HMGXB4: variants seen among roughly 807,000 people sequenced by gnomAD.
The protein encoded by HMGXB4 is HMG domain-containing protein 4.
In HMGXB4, 27 loss-of-function variants were observed where a neutral mutation model predicts 63.9. That is an observed-to-expected ratio of 0.42 (90% CI 0.31 to 0.58). HMGXB4 has a LOEUF of 0.58. Among genes scored for constraint, HMGXB4 ranks in the 20% least tolerant of loss-of-function variants. The pLI is 0.13. For missense variants in HMGXB4, 624 were observed against 700.7 expected, an observed-to-expected ratio of 0.89 and a Z score of 1.24; for synonymous variants, 264 against 265.3, an observed-to-expected ratio of 0.99 and a Z score of 0.05.
At position 35,295,702 on chromosome 22, in the gene HMGXB4, G is replaced by GT. The variant is rs920504665; in HGVS notation, c.*2057dup. Reference sequence around the variant, plus strand: ...AGTTTTTATATCATTGTTTTATTTTGTTTTTTAAATAAATTCTAGTGGTTT... The same window carrying GT: ...AGTTTTTATATCATTGTTTTATTTTGTTTTTTTAAATAAATTCTAGTGGTTT... On this transcript the variant is annotated 3_prime_UTR_variant, in exon 11 of 11. Transcript: ENST00000216106. The GT allele has an allele frequency of 1.2e-4, 18 of 152,456 alleles. No homozygotes were observed. Among genetic ancestry groups the GT allele is most frequent in the African/African-American group, 4.1e-4 (17 of 41,492 alleles). 9.4% of individuals were successfully genotyped at this position (152,456 alleles called of 1,614,324 possible).
chr22:35,249,104 G>C, the HMGXB4 span, among the ~76,000 whole-genome samples: 1 of 152,100 alleles, frequency 6.6e-6, no homozygotes, highest in African/African-American at 2.4e-5. Flanking sequence ...TGTCACCCAG[G>C]CTGGAGTGCA....
chr22:35,262,832 G>A (rs1202883011), intron 2 of HMGXB4: 2 of 549,904 alleles, frequency 3.6e-6, no homozygotes, highest in African/African-American at 1.9e-5. Context: ...AACCATATCT[G>A]AGGTTGCACA....
At chr22:35,281,292 T>C (rs1330438123) in intron 5 of HMGXB4, among the ~76,000 whole-genome samples, 1 of 152,230 alleles carries the variant, frequency 6.6e-6, no homozygotes, top group East Asian at 1.9e-4. Context: ...TTTTCCACTA[T>C]TTTATGCAGC....
At chr22:35,286,327 G>A (rs1394690785) in intron 7 of HMGXB4, among the ~76,000 whole-genome samples, 1 of 152,160 alleles carries the variant, frequency 6.6e-6, no homozygotes, top group Non-Finnish European at 1.5e-5. Context: ...CTAAGTTGAG[G>A]AGTAATTAAA....
At chr22:35,277,854 C>T (rs1180245688) in intron 5 of HMGXB4, among the ~76,000 whole-genome samples, 1 of 152,184 alleles carries the variant, frequency 6.6e-6, no homozygotes, top group African/African-American at 2.4e-5. Flanking sequence ...CCTACATTGA[C>T]ACATCATTAT....
chr22:35,254,605 T>C (rs1023670107), upstream of HMGXB4, among the ~76,000 whole-genome samples: 2 of 152,224 alleles, frequency 1.3e-5, no homozygotes, highest in African/African-American at 4.8e-5. Context: ...TCACTGAATG[T>C]AGTATTCATA....
chr22:35,287,974 ATAT>A (rs1924697623), intron 8 of HMGXB4, among the ~76,000 whole-genome samples: 1 of 152,130 alleles, frequency 6.6e-6, no homozygotes, highest in Admixed American at 6.5e-5. Context: ...CAGAGAGTAA[ATAT>A]TATAGGCCTT....
chr22:35,284,338 C>T (rs1424503874), intron 6 of HMGXB4, among the ~76,000 whole-genome samples: 1 of 152,196 alleles, frequency 6.6e-6, no homozygotes, highest in African/African-American at 2.4e-5. Flanking sequence ...TTGGCCTTTT[C>T]CTTAAATTGC....
intron 6 of HMGXB4, 149 bp from the exon 7 acceptor site, chr22:35,285,848 T>A: frequency 3.5e-6 from 2 of 572,996 alleles, no homozygotes; most frequent in African/African-American, 1.9e-5. Context: ...CAAAGAAGAG[T>A]GATGGGATTG....
intron 7 of HMGXB4, 99 bp downstream of exon 7, chr22:35,286,160 G>A (rs1924565303): frequency 2.3e-5 from 19 of 818,286 alleles, no homozygotes; most frequent in Non-Finnish European, 3.7e-5. Flanking sequence ...ACTGAAAATA[G>A]TGAAGAAAAT....
At chr22:35,266,855 A>G (rs1450833757) in intron 5 of HMGXB4, among the ~76,000 whole-genome samples, 1 of 152,066 alleles carries the variant, frequency 6.6e-6, no homozygotes, top group Non-Finnish European at 1.5e-5. Context: ...GTGGGGGTGC[A>G]CATCTATAGT....
chr22:35,278,498 T>A (rs886616345), intron 5 of HMGXB4, among the ~76,000 whole-genome samples: 1 of 152,230 alleles, frequency 6.6e-6, no homozygotes, highest in Non-Finnish European at 1.5e-5. Context: ...CTGTCTCATT[T>A]GCCATTGAGT....
intron 9 of HMGXB4, among the ~76,000 whole-genome samples, chr22:35,289,304 A>T (rs776654455): frequency 2.0e-5 from 3 of 150,022 alleles, no homozygotes; most frequent in Admixed American, 6.6e-5. Flanking sequence ...ACAAAAAATT[A>T]AAAAATTAGC....
chr22:35,282,183 T>A (rs1182203293), intron 5 of HMGXB4, among the ~76,000 whole-genome samples: 3 of 152,160 alleles, frequency 2.0e-5, no homozygotes, highest in Admixed American at 2.0e-4. Flanking sequence ...TGTCATATTT[T>A]TTGTTGTTGT....
upstream of HMGXB4, among the ~76,000 whole-genome samples, chr22:35,253,132 C>CAAAAAAAAAAAAAAAAAAA (rs554912249): frequency 2.1e-5 from 2 of 96,542 alleles, no homozygotes; most frequent in African/African-American, 5.2e-5. Context: ...AACTCCATCT[C>CAAAAAAAAAAAAAAAAAAA]AAAAAAAAAA....
intron 5 of HMGXB4, among the ~76,000 whole-genome samples, chr22:35,273,495 T>C (rs1325247624): frequency 6.6e-6 from 1 of 152,250 alleles, no homozygotes; most frequent in African/African-American, 2.4e-5. Context: ...TGTAACATGC[T>C]TAGCACAGGG....
chr22:35,265,345 AAAG>A lies in HMGXB4; in HGVS notation c.961_963del (p.Lys321del), dbSNP rs1923151868. 2 of 1,613,940 alleles carry A rather than the reference AAAG, an allele frequency of 1.2e-6. No homozygotes were observed. Among genetic ancestry groups the A allele is most frequent in the Admixed American group, 1.7e-5 (1 of 59,982 alleles). On this transcript the variant is annotated inframe_deletion, in exon 5 of 11. Transcript: ENST00000216106. ...ATTCTTACCGAGAAATCAAGAAGAA[AAAG>A]AAGTCAAAGAAGAGCAAAAAGAAGA...
chr22:35,255,318 TA>T (rs141291857), upstream of HMGXB4, among the ~76,000 whole-genome samples: 5 of 144,742 alleles, frequency 3.5e-5, no homozygotes, highest in Non-Finnish European at 7.6e-5. Context: ...GGCAACATGG[TA>T]AAAAAAAAAC....
At chr22:35,249,048 A>C in the HMGXB4 span, among the ~76,000 whole-genome samples, 1 of 152,062 alleles carries the variant, frequency 6.6e-6, no homozygotes, top group East Asian at 1.9e-4. Flanking sequence ...TGCTAAATTT[A>C]TTTTTATAAT....
Sources: gnomAD v4.1 joint callset for allele counts (sites outside exome capture counted in the v4.1 genomes callset) on GRCh38, gnomAD v4.1.1 for gene constraint, MANE v1.5 for transcripts, NCBI Gene and HGNC (gene_info 2026-07-23, HGNC 2026-07-21) for gene names.